COL14A1: variants seen among roughly 807,000 people sequenced by gnomAD.
The protein encoded by COL14A1 is collagen alpha-1(XIV) chain.
Under a neutral mutation model 230.3 loss-of-function variants are expected in COL14A1, and 136 were observed. The observed-to-expected ratio is 0.59, with a 90% CI of 0.51 to 0.68. The LOEUF is 0.68. COL14A1 is among the 30% of genes least tolerant of loss of function. The pLI is 0.00. For missense variants in COL14A1, 1,976 were observed against 2,215.8 expected (o/e 0.89, Z 2.17); for synonymous variants, 792 against 784.1 (o/e 1.01, Z -0.17).
intron 42 of COL14A1, among the ~76,000 whole-genome samples, chr8:120,340,387 A>T (rs1018877004): frequency 1.3e-5 from 2 of 152,212 alleles, no homozygotes; most frequent in Non-Finnish European, 2.9e-5. Context: ...GGATGAAACC[A>T]GAAGTTTGAA....
intron 13 of COL14A1, among the ~76,000 whole-genome samples, chr8:120,213,067 A>T (rs1035119564): frequency 6.6e-6 from 1 of 152,214 alleles, no homozygotes; most frequent in Non-Finnish European, 1.5e-5. Flanking sequence ...TTCCACTCAT[A>T]TCAAAATTAA....
intron 19 of COL14A1, among the ~76,000 whole-genome samples, chr8:120,240,456 T>C (rs1332501350): frequency 6.6e-6 from 1 of 152,192 alleles, no homozygotes; most frequent in East Asian, 1.9e-4. Flanking sequence ...GACAGGCAGA[T>C]GCACATCTCT....
chr8:120,198,958 C>T (rs974434805), intron 7 of COL14A1, among the ~76,000 whole-genome samples: 2 of 152,020 alleles, frequency 1.3e-5, no homozygotes, highest in Admixed American at 6.6e-5. Flanking sequence ...GGCAGGAGTA[C>T]GATTAATGAT....
chr8:120,333,668 G>T (rs1478501124), intron 42 of COL14A1, among the ~76,000 whole-genome samples: 5 of 152,126 alleles, frequency 3.3e-5, no homozygotes, highest in Non-Finnish European at 5.9e-5. Flanking sequence ...TTACAGTTCC[G>T]CAGGTCAGAA....
At position 120,266,827 on chromosome 8, in the gene COL14A1, A is replaced by T; in HGVS notation, c.3017A>T (p.Gln1006Leu). The change falls in exon 25 of 48, where the codon CAA becomes CTA. Residue 1006 changes from glutamine (Q) to leucine (L), a missense_variant and splice_region_variant. By Grantham distance (113) the Gln-to-Leu change is moderately radical. This residue lies in a region of COL14A1 where 1,791 missense variants were observed against 2,019.5 expected (regional missense o/e 0.89). Transcript: ENST00000297848. ...GPSVSIMEKT[Q>L]SLPTRPPTFP... ...TGTCCTTTCTCCCTTTCCTTTACAG[A>T]ATCACTTCCTACACGACCACCAACT... 2 of 1,611,640 alleles carry T rather than the reference A, an allele frequency of 1.2e-6. No individual in the cohort carries two copies. Among genetic ancestry groups the T allele is most frequent in the Non-Finnish European group, 1.7e-6 (2 of 1,178,202 alleles).
intron 13 of COL14A1, among the ~76,000 whole-genome samples, chr8:120,214,433 T>A (rs1817692435): frequency 6.6e-6 from 1 of 152,178 alleles, no homozygotes; most frequent in Non-Finnish European, 1.5e-5. Flanking sequence ...TGTAAAGAGC[T>A]CATGAAGCTG....
chr8:120,311,632 C>T (rs543787309), intron 37 of COL14A1, among the ~76,000 whole-genome samples: 7 of 152,162 alleles, frequency 4.6e-5, no homozygotes, highest in Non-Finnish European at 7.4e-5. Context: ...CGGAAGGCCC[C>T]AGTATGTATG....
intron 40 of COL14A1, among the ~76,000 whole-genome samples, chr8:120,326,650 T>C (rs1243194021): frequency 6.6e-6 from 1 of 152,186 alleles, no homozygotes; most frequent in Non-Finnish European, 1.5e-5. Context: ...AAGGCTAATA[T>C]CCTTTTAGTT....
chr8:120,249,997 C>A (rs1223222651), intron 21 of COL14A1, among the ~76,000 whole-genome samples: 1 of 152,086 alleles, frequency 6.6e-6, no homozygotes, highest in African/African-American at 2.4e-5. Flanking sequence ...TTTGTATAGG[C>A]TTTAGCAATG....
chr8:120,140,643 TGA>T (rs1009530500), intron 1 of COL14A1, among the ~76,000 whole-genome samples: 4 of 152,084 alleles, frequency 2.6e-5, no homozygotes, highest in Non-Finnish European at 5.9e-5. Flanking sequence ...AATCTCGGCG[TGA>T]GAGAGAGTGA....
intron 40 of COL14A1, among the ~76,000 whole-genome samples, chr8:120,324,501 C>T (rs1452066631): frequency 6.6e-6 from 1 of 152,054 alleles, no homozygotes; most frequent in Non-Finnish European, 1.5e-5. Flanking sequence ...AAGAAGCAGC[C>T]TTTTTTCTTA....
chr8:120,248,910 A>G (rs962936132), intron 21 of COL14A1, among the ~76,000 whole-genome samples: 9 of 136,218 alleles, frequency 6.6e-5, no homozygotes, highest in Non-Finnish European at 1.5e-5. Context: ...CATTAGTTTC[A>G]ATCTTTCTTT....
At chr8:120,189,886 G>A in intron 5 of COL14A1, among the ~76,000 whole-genome samples, 1 of 151,822 alleles carries the variant, frequency 6.6e-6, no homozygotes. Context: ...GTCTATCATT[G>A]TTGGACATTT....
intron 23 of COL14A1, among the ~76,000 whole-genome samples, chr8:120,255,782 T>A (rs1819129394): frequency 6.8e-6 from 1 of 146,600 alleles, no homozygotes; most frequent in Non-Finnish European, 1.5e-5. Flanking sequence ...TTTTTCTTAG[T>A]GTTTTTTTTT....
intron 19 of COL14A1, among the ~76,000 whole-genome samples, chr8:120,233,531 C>G (rs534219224): frequency 2.0e-5 from 3 of 152,226 alleles, no homozygotes; most frequent in African/African-American, 7.2e-5. Flanking sequence ...CAGTTTTCTG[C>G]CTATGCCTAG....
At chr8:120,312,901 T>C (rs1821092818) in intron 37 of COL14A1, among the ~76,000 whole-genome samples, 1 of 152,214 alleles carries the variant, frequency 6.6e-6, no homozygotes, top group African/African-American at 2.4e-5. Flanking sequence ...AGAATAGCTT[T>C]AGTTGAAGTC....
intron 14 of COL14A1, among the ~76,000 whole-genome samples, chr8:120,220,688 C>G (rs1240670782): frequency 6.6e-6 from 1 of 152,134 alleles, no homozygotes; most frequent in Admixed American, 6.6e-5. Context: ...CATTACCCCT[C>G]TCCCCAACTT....
rs780995822 is a variant in COL14A1 at position 120,228,723 on chromosome 8, G to A, written c.2151G>A (p.Trp717Ter). ...TATTGCTTTTAGTTGACAGTTTTTG[G>A]ACAGAACCAGCTACAACCATAGTGC... ...TAVGTTLDSF[W>*]TEPATTIVPT... is the part of the protein sequence containing the mutation. The change falls in exon 18 of 48, where the codon TGG (tryptophan) becomes TGA (stop). Residue 717 changes from tryptophan (W) to a stop codon, truncating the protein, a stop_gained. Transcript: ENST00000297848. LOFTEE classifies it high-confidence loss of function. 1.2e-6 allele frequency: 2 copies of A among 1,613,762 alleles called. No homozygotes were observed. Among genetic ancestry groups the A allele is most frequent in the African/African-American group, 1.3e-5 (1 of 75,036 alleles).
At chr8:120,235,525 G>A (rs2130829080) in intron 19 of COL14A1, among the ~76,000 whole-genome samples, 1 of 152,038 alleles carries the variant, frequency 6.6e-6, no homozygotes. Flanking sequence ...TTATTAGTCT[G>A]GCTAGTGGTC....
Sources: allele counts gnomAD v4.1 joint callset (sites outside exome capture counted in the v4.1 genomes callset), GRCh38; gene constraint gnomAD v4.1.1; regional missense constraint gnomAD v4.1.1; transcripts MANE v1.5; gene names NCBI Gene and HGNC (gene_info 2026-07-23, HGNC 2026-07-21).